MAN1A2: variants seen among roughly 807,000 people sequenced by gnomAD.
MAN1A2 encodes mannosidase alpha class 1A member 2.
MAN1A2 carries 26 observed loss-of-function variants against 75.7 expected under a neutral mutation model. The observed-to-expected ratio is 0.34, with a 90% CI of 0.25 to 0.48. MAN1A2 has a LOEUF of 0.48. Among genes scored for constraint, MAN1A2 ranks in the 20% least tolerant of loss-of-function variants. The pLI, the probability that MAN1A2 is intolerant of heterozygous loss-of-function variation, is 0.99. For synonymous variants in MAN1A2, 247 were observed against 264.6 expected (o/e 0.93, Z 0.65); for missense variants, 562 against 775.5 (o/e 0.72, Z 3.27).
intron 8 of MAN1A2, among the ~76,000 whole-genome samples, chr1:117,471,911 A>G (rs1484287135): frequency 6.6e-6 from 1 of 151,970 alleles, no homozygotes; most frequent in Non-Finnish European, 1.5e-5. Flanking sequence ...AAGGAACAAG[A>G]TTAGTTTTAT....
chr1:117,432,235 G>T (rs1396331900), intron 5 of MAN1A2, among the ~76,000 whole-genome samples: 5 of 152,114 alleles, frequency 3.3e-5, no homozygotes, highest in African/African-American at 9.7e-5. Flanking sequence ...GGCTATCATT[G>T]CAGATTCCAC....
intron 6 of MAN1A2, among the ~76,000 whole-genome samples, chr1:117,455,963 A>G (rs1260028102): frequency 1.3e-5 from 2 of 152,078 alleles, no homozygotes; most frequent in South Asian, 2.1e-4. Context: ...TTACTTAAAA[A>G]ATTTTTAAAG....
At chr1:117,458,516 TATA>T (rs1649694555) in intron 6 of MAN1A2, among the ~76,000 whole-genome samples, 2 of 108,024 alleles carry the variant, frequency 1.9e-5, no homozygotes, top group African/African-American at 7.9e-5. Flanking sequence ...TATATAGATA[TATA>T]TATATTTTTT....
Position 117,412,587 on chromosome 1 carries a change from A to G in MAN1A2, c.656-2126A>G, listed in dbSNP as rs536890003. Among the ~76,000 whole-genome samples the G allele has an allele frequency of 7.0e-4, 106 of 151,748 alleles. 1 individual carries two copies. The highest frequency in any genetic ancestry group is 2.5e-3 in the African/African-American group (104 of 41,460). On this transcript the variant is annotated intron_variant, in intron 3 of 12. Coordinates refer to ENST00000356554, the MANE Select transcript of MAN1A2 (RefSeq NM_006699.5). ...TTCATTTGTTCTTATTAACTAGTAT[A>G]AATATTTTAAGTGTTTTTGTGAGAA...
chr1:117,453,947 C>T lies in MAN1A2; in HGVS notation c.951-6542C>T, dbSNP rs115672955. Among the ~76,000 whole-genome samples, 1,118 of 152,256 alleles carry T rather than the reference C, an allele frequency of 7.3e-3. 18 individuals are homozygous for T. The highest frequency in any genetic ancestry group is 0.026 in the African/African-American group (1,070 of 41,544). On this transcript the variant is annotated intron_variant, in intron 6 of 12. Coordinates refer to ENST00000356554, the MANE Select transcript of MAN1A2 (RefSeq NM_006699.5). ...GCCACCACCCTGATCAGTCAGCAAC[C>T]ATCGTCATCAAGGCAAGACCCTCCA... is the stretch of plus-strand genomic sequence containing the variant.
In MAN1A2 at chr1:117,526,876, CTCTCTATATATATATA is replaced by C. The variant is rs1229298113; in HGVS notation, c.*3921_*3936del. 5.9e-5 allele frequency: 4 copies of C among 68,004 alleles called. No individual in the cohort carries two copies. The highest frequency in any genetic ancestry group is 9.4e-5 in the Non-Finnish European group (3 of 32,078). The allele number at this position is 68,004 out of a possible 1,614,324, so 4.2% of individuals were successfully genotyped here. A position where few individuals can be genotyped will look rare whatever the true frequency, so the allele number is the denominator to read the frequency against. ...TCTCTCTCTCTCTCTCTCTCTCTCT[CTCTCTATATATATATA>C]TATATATATATATATATGAGAGATA... On this transcript the variant is annotated 3_prime_UTR_variant, in exon 13 of 13. Transcript: ENST00000356554.
chr1:117,509,139 A>AG (rs1009898719), intron 12 of MAN1A2, among the ~76,000 whole-genome samples: 23 of 150,912 alleles, frequency 1.5e-4, no homozygotes, highest in Non-Finnish European at 2.4e-4. Flanking sequence ...TACAAAAAAA[A>AG]GAGCACTAAG....
In MAN1A2 at chr1:117,405,583, A is replaced by AT; in HGVS notation, c.594dup (p.Gly199TrpfsTer5). On this transcript the variant is annotated frameshift_variant, in exon 3 of 13. Coordinates refer to ENST00000356554, the MANE Select transcript of MAN1A2 (RefSeq NM_006699.5). LOFTEE classifies it high-confidence loss of function. The stretch of plus-strand genomic sequence containing the variant: ...CATGCTTGGGATAACTATAGGACAT[A>AT]TGGGTGGGGACATAATGAACTCAGA... 6.2e-7 allele frequency: 1 copy of AT among 1,607,232 alleles called. No homozygotes were observed. Among genetic ancestry groups the AT allele is most frequent in the Non-Finnish European group, 8.5e-7 (1 of 1,173,856 alleles).
chr1:117,374,401 T>G (rs143812791), intron 1 of MAN1A2, among the ~76,000 whole-genome samples: 2 of 152,290 alleles, frequency 1.3e-5, no homozygotes, highest in African/African-American at 4.8e-5. Context: ...GTCAGAAAAG[T>G]TTATTTTCAC....
At chr1:117,417,534 A>AATAT (rs551507232) in intron 4 of MAN1A2, among the ~76,000 whole-genome samples, 1,877 of 89,192 alleles carry the variant, frequency 0.021, 118 homozygotes, top group Non-Finnish European at 0.02. Flanking sequence ...CTTGAGTTTA[A>AATAT]ATATATATAT....
At chr1:117,423,939 A>G (rs550523630) in intron 5 of MAN1A2, among the ~76,000 whole-genome samples, 9 of 149,550 alleles carry the variant, frequency 6.0e-5, no homozygotes, top group East Asian at 5.9e-4. Flanking sequence ...CTGGAGTGCA[A>G]TGGCGCGATC....
At chr1:117,378,973 TA>T (rs1653245751) in intron 1 of MAN1A2, among the ~76,000 whole-genome samples, 1 of 152,164 alleles carries the variant, frequency 6.6e-6, no homozygotes, top group Admixed American at 6.5e-5. Flanking sequence ...GTGAATACCT[TA>T]TTTTTTAATT....
chr1:117,516,457 A>G (rs1293186132), intron 12 of MAN1A2, among the ~76,000 whole-genome samples: 1 of 152,148 alleles, frequency 6.6e-6, no homozygotes, highest in East Asian at 1.9e-4. Context: ...TGGATTAATA[A>G]TAGACTTGAG....
intron 3 of MAN1A2, among the ~76,000 whole-genome samples, chr1:117,406,655 A>G (rs1647626815): frequency 6.6e-6 from 1 of 152,132 alleles, no homozygotes; most frequent in Non-Finnish European, 1.5e-5. Context: ...TGACTACTAG[A>G]GACTTCATAA....
chr1:117,388,064 C>CA (rs1383355822), intron 1 of MAN1A2, among the ~76,000 whole-genome samples: 1 of 144,438 alleles, frequency 6.9e-6, no homozygotes, highest in African/African-American at 2.6e-5. Flanking sequence ...GGGACACAAA[C>CA]ATTTACTCTA....
At chr1:117,456,925 C>G (rs945420322) in intron 6 of MAN1A2, among the ~76,000 whole-genome samples, 2 of 152,008 alleles carry the variant, frequency 1.3e-5, no homozygotes, top group Admixed American at 6.5e-5. Context: ...AATGAAGATA[C>G]TTCAACTTAA....
intron 11 of MAN1A2, among the ~76,000 whole-genome samples, chr1:117,502,466 T>C (rs928571444): frequency 2.0e-5 from 3 of 151,714 alleles, no homozygotes; most frequent in Non-Finnish European, 4.4e-5. Flanking sequence ...TTGTTTGTCC[T>C]TGGAAGTGAT....
Position 117,499,392 on chromosome 1 carries a change from A to G in MAN1A2, c.1515A>G (p.Leu505=), listed in dbSNP as rs139063034. 216 of 1,572,272 alleles carry G rather than the reference A, an allele frequency of 1.4e-4. 1 individual carries two copies. The African/African-American group carries it at 2.5e-3, about 18-fold the overall frequency. The change falls in exon 11 of 13, where the codon CTA becomes CTG. Residue 505 remains leucine, a synonymous_variant. Transcript: ENST00000356554. ...HESYDRTALK[L]GPESFKFDGA... The stretch of plus-strand genomic sequence containing the variant: ...TTTGTCATGTTACAGCATTAAAGCT[A>G]GGTCCTGAATCATTCAAGTTTGATG...
chr1:117,431,682 C>T (rs1032515622), intron 5 of MAN1A2, among the ~76,000 whole-genome samples: 3 of 152,166 alleles, frequency 2.0e-5, no homozygotes, highest in African/African-American at 7.2e-5. Flanking sequence ...GGTGCAATGG[C>T]TTATGCCTGT....
Sources: allele counts gnomAD v4.1 joint callset (sites outside exome capture counted in the v4.1 genomes callset), GRCh38; gene constraint gnomAD v4.1.1; transcripts MANE v1.5; gene names NCBI Gene and HGNC (gene_info 2026-07-23, HGNC 2026-07-21).